LINGO2: variants seen among roughly 807,000 people sequenced by gnomAD.
LINGO2 encodes the protein leucine rich repeat and Ig domain containing 2.
Under a neutral mutation model 30.6 loss-of-function variants are expected in LINGO2, and 14 were observed. That is an observed-to-expected ratio of 0.46 (90% confidence interval 0.30 to 0.72). The LOEUF (loss-of-function observed/expected upper bound fraction) is 0.72, where lower values mean the gene tolerates loss of function less well. Ranked by LOEUF, LINGO2 falls within the 30% of genes least tolerant of loss-of-function variation. The pLI is 0.07. For synonymous variants in LINGO2, 317 were observed against 288.5 expected (o/e 1.10, Z -1.00); for missense variants, 729 against 751.7 (o/e 0.97, Z 0.35).
chr9:28,524,980 A>T (rs1276751869), intron 1 of LINGO2, among the ~76,000 whole-genome samples: 1 of 152,210 alleles, frequency 6.6e-6, no homozygotes, highest in Non-Finnish European at 1.5e-5. Context: ...CAAAACTTCA[A>T]TGACACACTA....
At chr9:28,348,485 C>T (rs867899661) in intron 3 of LINGO2, among the ~76,000 whole-genome samples, 1 of 152,174 alleles carries the variant, frequency 6.6e-6, no homozygotes, top group Admixed American at 6.5e-5. Flanking sequence ...CTGCACCTGG[C>T]TCGGAGGGTC....
the LINGO2 span, among the ~76,000 whole-genome samples, chr9:29,137,326 A>G: frequency 6.6e-6 from 1 of 152,160 alleles, no homozygotes; most frequent in South Asian, 2.1e-4. Context: ...TACATTTTAT[A>G]AATCTTCATT....
At chr9:28,024,907 G>C (rs1193490190) in intron 4 of LINGO2, among the ~76,000 whole-genome samples, 1 of 152,126 alleles carries the variant, frequency 6.6e-6, no homozygotes, top group African/African-American at 2.4e-5. Flanking sequence ...TAGGGGATTG[G>C]TGACTGTAGA....
the LINGO2 span, among the ~76,000 whole-genome samples, chr9:28,931,257 A>T: frequency 6.6e-6 from 1 of 152,174 alleles, no homozygotes; most frequent in Admixed American, 6.5e-5. Flanking sequence ...CCTAAACAGC[A>T]TTTATCGGAG....
chr9:27,939,851 A>C, the LINGO2 span: 3 of 152,222 alleles, frequency 2.0e-5, no homozygotes, highest in East Asian at 5.8e-4. Context: ...GGTTCACATA[A>C]ATGTTATTTC....
At chr9:28,208,891 T>C (rs967185071) in intron 4 of LINGO2, among the ~76,000 whole-genome samples, 13 of 152,178 alleles carry the variant, frequency 8.5e-5, no homozygotes, top group African/African-American at 3.1e-4. Flanking sequence ...CACTTGACCA[T>C]CTGCTTTCCA....
chr9:28,703,273 T>A, the LINGO2 span, among the ~76,000 whole-genome samples: 21,116 of 151,840 alleles, frequency 0.14, 1,956 homozygotes, highest in African/African-American at 0.26. Flanking sequence ...TATTTCCCTG[T>A]AATCATTGTT....
At position 28,281,988 on chromosome 9, in the gene LINGO2, T is replaced by C. The variant is rs144726556; in HGVS notation, c.-87+13220A>G. On this transcript the variant is annotated intron_variant, in intron 4 of 5. Coordinates refer to ENST00000379992, the Ensembl canonical transcript of LINGO2. ...GCTATTGATCTTTATAACACAAACATTGGGGGAACTTCAATGTCCAGTCAC... is the reference window on the plus strand; with the variant it reads ...GCTATTGATCTTTATAACACAAACACTGGGGGAACTTCAATGTCCAGTCAC... Among the ~76,000 whole-genome samples, 239 of 152,140 alleles carry C rather than the reference T, an allele frequency of 1.6e-3. 1 individual carries two copies. The highest frequency in any genetic ancestry group is 3.1e-3 in the Non-Finnish European group (211 of 67,944).
At chr9:28,376,768 T>C (rs749579077) in intron 2 of LINGO2, among the ~76,000 whole-genome samples, 1 of 152,104 alleles carries the variant, frequency 6.6e-6, no homozygotes, top group Non-Finnish European at 1.5e-5. Flanking sequence ...TTTACCTAAA[T>C]CAAGGTAAAT....
chr9:28,130,041 C>T lies in LINGO2; in HGVS notation c.-86-117636G>A, dbSNP rs565880573. On this transcript the variant is annotated intron_variant, in intron 4 of 5. Coordinates refer to ENST00000379992, the Ensembl canonical transcript of LINGO2. The surrounding 1 kb of genome is among the most constrained non-coding windows in gnomAD (Gnocchi z 5.2). The stretch of plus-strand genomic sequence containing the variant: ...GCCACAGAGTAACCTCTTCAGACTA[C>T]TTCATATGTTTCAGCGTCTCATGAA... 6.6e-6 allele frequency among the ~76,000 whole-genome samples: 1 copy of T among 152,290 alleles called. No homozygotes were observed. The highest frequency in any genetic ancestry group is 2.4e-5 in the African/African-American group (1 of 41,566).
chr9:28,794,282 C>A, the LINGO2 span, among the ~76,000 whole-genome samples: 2 of 152,104 alleles, frequency 1.3e-5, no homozygotes, highest in Non-Finnish European at 1.5e-5. Context: ...CCAGCCTGGG[C>A]GACAGAGTCA....
chr9:28,800,163 A>G, the LINGO2 span, among the ~76,000 whole-genome samples: 1 of 152,048 alleles, frequency 6.6e-6, no homozygotes, highest in Non-Finnish European at 1.5e-5. Flanking sequence ...ATCTTTCTAT[A>G]TCAACATAGG....
rs1374417304 is a variant in LINGO2, at chr9:28,187,680, AG to A, written c.-87+107527del. On this transcript the variant is annotated intron_variant, in intron 4 of 5. Transcript: ENST00000379992. ...TATTTCAAGCTGTGAGTTCAAGATA[AG>A]GGGGGCAGACATAAACATTTAAACT... is the stretch of plus-strand genomic sequence containing the variant. Among the ~76,000 whole-genome samples the A allele has an allele frequency of 3.3e-5, 5 of 152,246 alleles. No homozygotes were observed. The South Asian group carries it at 8.3e-4, about 25-fold the overall frequency.
the LINGO2 span, among the ~76,000 whole-genome samples, chr9:28,850,797 T>A: frequency 9.9e-5 from 15 of 152,008 alleles, no homozygotes; most frequent in African/African-American, 3.6e-4. Flanking sequence ...CGTGTTTGAA[T>A]AGGAGCATCC....
the LINGO2 span, among the ~76,000 whole-genome samples, chr9:28,783,245 C>A: frequency 9.9e-4 from 151 of 152,000 alleles, no homozygotes; most frequent in African/African-American, 3.4e-3. Flanking sequence ...TTCTAGAACC[C>A]CCTCCCTTAT....
At chr9:28,586,857 C>T (rs1338052122) in intron 1 of LINGO2, among the ~76,000 whole-genome samples, 1 of 151,962 alleles carries the variant, frequency 6.6e-6, no homozygotes, top group Non-Finnish European at 1.5e-5. Context: ...TTTAAAAAAA[C>T]ATTTTTCATA....
the LINGO2 span, among the ~76,000 whole-genome samples, chr9:28,940,134 C>A: frequency 6.6e-6 from 1 of 152,130 alleles, no homozygotes; most frequent in African/African-American, 2.4e-5. Context: ...ATTTCCCAAA[C>A]CTTACATGTT....
At chr9:28,854,798 T>A in the LINGO2 span, among the ~76,000 whole-genome samples, 1 of 151,954 alleles carries the variant, frequency 6.6e-6, no homozygotes, top group Non-Finnish European at 1.5e-5. Context: ...CAAAAAGAAC[T>A]GTTAGCTGCC....
At chr9:29,142,103 C>G in the LINGO2 span, among the ~76,000 whole-genome samples, 13 of 151,844 alleles carry the variant, frequency 8.6e-5, no homozygotes, top group African/African-American at 1.4e-4. Flanking sequence ...GCAGAATACA[C>G]ATTTTTCTCA....
Sources: gnomAD v4.1 joint callset for allele counts (sites outside exome capture counted in the v4.1 genomes callset) on GRCh38, gnomAD v4.1.1 for gene constraint, Gnocchi (gnomAD v3.1) non-coding constraint, MANE v1.5 for transcripts, NCBI Gene and HGNC (gene_info 2026-07-23, HGNC 2026-07-21) for gene names.